SDK1: variants seen among roughly 807,000 people sequenced by gnomAD.
The protein encoded by SDK1 is protein sidekick-1.
A neutral mutation model predicts 245.5 loss-of-function variants in SDK1; 157 were observed. That is an observed-to-expected ratio of 0.64 (90% CI 0.56 to 0.73). The LOEUF is 0.73. Ranked by LOEUF, SDK1 falls within the 30% of genes least tolerant of loss-of-function variation. The probability of loss-of-function intolerance (pLI) is 0.00; values close to 1 mark genes in which losing one functional copy is unlikely to be tolerated. For missense variants in SDK1, 3,583 were observed against 3,002.3 expected, an observed-to-expected ratio of 1.19 and a Z score of -4.52; for synonymous variants, 1,647 against 1,278.5, an observed-to-expected ratio of 1.29 and a Z score of -6.15.
At chr7:4,213,704 C>T (rs915971737) in intron 38 of SDK1, among the ~76,000 whole-genome samples, 4 of 152,168 alleles carry the variant, frequency 2.6e-5, no homozygotes, top group African/African-American at 7.2e-5. Context: ...GTTTCACTCC[C>T]CTAGAATTGT....
intron 1 of SDK1, among the ~76,000 whole-genome samples, chr7:3,484,271 A>G (rs888323098): frequency 5.3e-5 from 8 of 152,206 alleles, no homozygotes; most frequent in Non-Finnish European, 1.0e-4. Context: ...TTTGAACTGC[A>G]TGGGTCCATG....
intron 1 of SDK1, among the ~76,000 whole-genome samples, chr7:3,513,822 A>C (rs901754095): frequency 1.3e-5 from 2 of 151,970 alleles, no homozygotes; most frequent in African/African-American, 4.8e-5. Flanking sequence ...TCTGTTGTTC[A>C]CATCTTTATA....
intron 1 of SDK1, among the ~76,000 whole-genome samples, chr7:3,510,140 T>G (rs1283269821): frequency 6.6e-6 from 1 of 152,174 alleles, no homozygotes; most frequent in African/African-American, 2.4e-5. Flanking sequence ...GACAGTGTGT[T>G]CCCAGTGCCT....
chr7:3,612,666 T>C (rs1002484933), intron 1 of SDK1, among the ~76,000 whole-genome samples: 3 of 152,248 alleles, frequency 2.0e-5, no homozygotes, highest in African/African-American at 4.8e-5. Context: ...GAATTTGATA[T>C]AAAAGAAGTT....
At chr7:3,561,400 AC>A (rs1182208761) in intron 1 of SDK1, among the ~76,000 whole-genome samples, 1 of 152,152 alleles carries the variant, frequency 6.6e-6, no homozygotes, top group Non-Finnish European at 1.5e-5. Flanking sequence ...CTCTCTGGTC[AC>A]TTGTTTGTTC....
intron 1 of SDK1, among the ~76,000 whole-genome samples, chr7:3,337,554 C>T (rs1780235021): frequency 6.6e-6 from 1 of 152,070 alleles, no homozygotes; most frequent in Non-Finnish European, 1.5e-5. Flanking sequence ...GAGTGAGCCC[C>T]AGACAGGATC....
At chr7:4,162,366 G>GTTGTTA (rs1486633147) in intron 32 of SDK1, among the ~76,000 whole-genome samples, 2 of 108,980 alleles carry the variant, frequency 1.8e-5, no homozygotes, top group Admixed American at 1.0e-4. Flanking sequence ...GGTTGTTGTT[G>GTTGTTA]TTGTTATTAT....
At chr7:4,107,099 A>G (rs1782974485) in intron 22 of SDK1, among the ~76,000 whole-genome samples, 1 of 133,178 alleles carries the variant, frequency 7.5e-6, no homozygotes, top group African/African-American at 2.8e-5. Context: ...CAGGCAGCCG[A>G]ATACACACAT....
At chr7:3,741,260 G>T (rs1159608897) in intron 4 of SDK1, among the ~76,000 whole-genome samples, 2 of 152,120 alleles carry the variant, frequency 1.3e-5, no homozygotes, top group Non-Finnish European at 2.9e-5. Context: ...CCAATTTTTG[G>T]AGTAACCAAA....
chr7:3,470,764 T>A (rs1183347060), intron 1 of SDK1, among the ~76,000 whole-genome samples: 1 of 152,220 alleles, frequency 6.6e-6, no homozygotes, highest in Non-Finnish European at 1.5e-5. Context: ...CCAGGCTTTT[T>A]ATGAAATTTT....
Position 4,210,171 on chromosome 7 carries a change from C to T in SDK1, c.5539+9C>T, listed in dbSNP as rs941216739. 7.1e-6 allele frequency: 11 copies of T among 1,543,840 alleles called. No individual in the cohort carries two copies. Among genetic ancestry groups the T allele is most frequent in the Non-Finnish European group, 8.7e-6 (10 of 1,147,838 alleles). The stretch of plus-strand genomic sequence containing the variant: ...CTTGGCCCCTGTACAAGGTAAGACC[C>T]GGGGTTGGGGAGATGGGAGCGCGGG... On this transcript the variant is annotated intron_variant, in intron 38 of 44. Transcript: ENST00000404826.
At chr7:3,819,233 T>G (rs1479347524) in intron 4 of SDK1, among the ~76,000 whole-genome samples, 1 of 151,710 alleles carries the variant, frequency 6.6e-6, no homozygotes. Context: ...AGCAGCAGTT[T>G]TTTTTTTTTC....
At chr7:4,117,005 A>G (rs1161837691) in intron 25 of SDK1, among the ~76,000 whole-genome samples, 1 of 152,164 alleles carries the variant, frequency 6.6e-6, no homozygotes, top group Non-Finnish European at 1.5e-5. Flanking sequence ...GATTTCAAAA[A>G]TCTCTGTTAT....
intron 13 of SDK1, among the ~76,000 whole-genome samples, chr7:3,977,468 T>G (rs1438830126): frequency 2.0e-5 from 3 of 152,134 alleles, no homozygotes; most frequent in Non-Finnish European, 4.4e-5. Flanking sequence ...GGCAGCCAGG[T>G]TTCCCCCAGC....
At chr7:3,385,044 A>C (rs1182849634) in intron 1 of SDK1, among the ~76,000 whole-genome samples, 1 of 152,150 alleles carries the variant, frequency 6.6e-6, no homozygotes, top group African/African-American at 2.4e-5. Context: ...TGAAACATCA[A>C]ACACAAACAG....
intron 5 of SDK1, among the ~76,000 whole-genome samples, chr7:3,875,410 T>C (rs1781052081): frequency 6.6e-6 from 1 of 152,238 alleles, no homozygotes; most frequent in South Asian, 2.1e-4. Flanking sequence ...AATCGTTCTT[T>C]AGTTCCTTTA....
chr7:4,249,665 A>C (rs1354712322), intron 44 of SDK1, among the ~76,000 whole-genome samples: 1 of 152,196 alleles, frequency 6.6e-6, no homozygotes, highest in African/African-American at 2.4e-5. Context: ...TTTTGAGTGG[A>C]TAAAGCGTAG....
At chr7:3,409,665 A>G (rs1017655273) in intron 1 of SDK1, among the ~76,000 whole-genome samples, 3 of 152,206 alleles carry the variant, frequency 2.0e-5, no homozygotes, top group African/African-American at 7.2e-5. Context: ...GGAGACAGCA[A>G]CAGAAGAGAA....
intron 4 of SDK1, among the ~76,000 whole-genome samples, chr7:3,805,895 CA>C (rs1179351847): frequency 3.3e-5 from 5 of 152,302 alleles, no homozygotes; most frequent in African/African-American, 1.2e-4. Flanking sequence ...CCTTCCAAGT[CA>C]CCTCCTTGTA....
Sources: gnomAD v4.1 joint callset for allele counts (sites outside exome capture counted in the v4.1 genomes callset) on GRCh38, gnomAD v4.1.1 for gene constraint, MANE v1.5 for transcripts, NCBI Gene and HGNC (gene_info 2026-07-23, HGNC 2026-07-21) for gene names.